AQP7B: variants seen among roughly 807,000 people sequenced by gnomAD.
AQP7B encodes aquaporin 7B.
chr2:94,603,296 C>T, the AQP7B span: 2 of 1,457,034 alleles, frequency 1.4e-6, no homozygotes, highest in East Asian at 4.6e-5. Flanking sequence ...TTGGAGCTCC[C>T]CCACCCTCTA....
chr2:94,591,111 C>T, the AQP7B span, among the ~76,000 whole-genome samples: 1 of 151,778 alleles, frequency 6.6e-6, no homozygotes, highest in Non-Finnish European at 1.5e-5. Context: ...TAGTCTGTAC[C>T]CTCTCCTTGA....
chr2:94,602,372 T>A, the AQP7B span: 1 of 1,070,474 alleles, frequency 9.3e-7, no homozygotes, highest in Non-Finnish European at 1.3e-6. Context: ...GCAGAGGGTC[T>A]TCCAGGCAAT....
the AQP7B span, among the ~76,000 whole-genome samples, chr2:94,590,664 C>G: frequency 1.3e-5 from 2 of 151,878 alleles, no homozygotes; most frequent in African/African-American, 4.8e-5. Context: ...AGTAAGCCAC[C>G]GGGCATGGTG....
chr2:94,589,149 C>T, the AQP7B span, among the ~76,000 whole-genome samples: 3 of 151,452 alleles, frequency 2.0e-5, no homozygotes, highest in African/African-American at 7.3e-5. Context: ...CACTACCATG[C>T]CCAGCTAATT....
At chr2:94,599,792 A>G in the AQP7B span, among the ~76,000 whole-genome samples, 6 of 151,728 alleles carry the variant, frequency 4.0e-5, no homozygotes, top group Non-Finnish European at 8.8e-5. Flanking sequence ...CAGCCCCTTC[A>G]CGGGATCATG....
chr2:94,604,059 A>T, the AQP7B span: 2 of 696,652 alleles, frequency 2.9e-6, no homozygotes, highest in Non-Finnish European at 2.4e-6. Context: ...GGGGAGCAGG[A>T]GTGAGTCCCA....
the AQP7B span, chr2:94,604,181 G>A: frequency 4.8e-5 from 58 of 1,196,318 alleles, no homozygotes; most frequent in African/African-American, 6.9e-4. Flanking sequence ...TGTTTCCTGG[G>A]GTAGCCTGGG....
the AQP7B span, among the ~76,000 whole-genome samples, chr2:94,598,959 C>A: frequency 6.6e-6 from 1 of 152,124 alleles, no homozygotes; most frequent in Non-Finnish European, 1.5e-5. Context: ...TGTGCCACCA[C>A]ACCTGGCTAA....
the AQP7B span, among the ~76,000 whole-genome samples, chr2:94,594,547 C>T: frequency 1.3e-5 from 2 of 152,200 alleles, no homozygotes; most frequent in Non-Finnish European, 2.9e-5. Context: ...GCCTGGCCAT[C>T]TACCCCAGTT....
the AQP7B span, among the ~76,000 whole-genome samples, chr2:94,590,941 T>A: frequency 1.1e-5 from 1 of 93,952 alleles, no homozygotes. Flanking sequence ...TGAGACCCTG[T>A]CTCAAAAAAA....
At chr2:94,594,392 T>C in the AQP7B span, among the ~76,000 whole-genome samples, 3 of 152,228 alleles carry the variant, frequency 2.0e-5, no homozygotes, top group African/African-American at 7.2e-5. Flanking sequence ...AGCTCTACTT[T>C]CCAGCCTGCT....
chr2:94,602,372 T>G, the AQP7B span: 3 of 1,070,356 alleles, frequency 2.8e-6, no homozygotes, highest in African/African-American at 4.8e-5. Flanking sequence ...GCAGAGGGTC[T>G]TCCAGGCAAT....
At chr2:94,603,712 G>A in the AQP7B span, 6 of 1,469,132 alleles carry the variant, frequency 4.1e-6, no homozygotes, top group Non-Finnish European at 5.5e-6. Flanking sequence ...TGCTCCTCAG[G>A]AGTGGCTGAC....
the AQP7B span, among the ~76,000 whole-genome samples, chr2:94,592,931 C>G: frequency 7.0e-6 from 1 of 143,454 alleles, no homozygotes; most frequent in South Asian, 2.3e-4. Context: ...TCAGGCAATC[C>G]TCTCACATCA....
At chr2:94,593,154 A>G in the AQP7B span, among the ~76,000 whole-genome samples, 2 of 152,098 alleles carry the variant, frequency 1.3e-5, no homozygotes, top group Admixed American at 6.6e-5. Context: ...TGTGATGAGC[A>G]TTGCCCCAGC....
the AQP7B span, among the ~76,000 whole-genome samples, chr2:94,598,131 G>C: frequency 6.6e-6 from 1 of 152,192 alleles, no homozygotes; most frequent in Non-Finnish European, 1.5e-5. Context: ...ACTTGTAAAA[G>C]AACTTTGTGA....
chr2:94,593,531 G>T, the AQP7B span, among the ~76,000 whole-genome samples: 1 of 148,318 alleles, frequency 6.7e-6, no homozygotes, highest in African/African-American at 2.5e-5. Flanking sequence ...TGTTGCCCAG[G>T]CTGGAGTGCA....
the AQP7B span, chr2:94,602,411 G>A: frequency 1.0e-4 from 146 of 1,397,404 alleles, no homozygotes; most frequent in Non-Finnish European, 1.3e-4. Flanking sequence ...ATGGGGGTGA[G>A]GAGCTAGAAC....
At chr2:94,602,891 C>A in the AQP7B span, 2 of 1,002,966 alleles carry the variant, frequency 2.0e-6, no homozygotes, top group South Asian at 1.7e-5. Context: ...GTGGCCCCTG[C>A]CTCACGGGGT....
Sources: gnomAD v4.1 joint callset for allele counts (sites outside exome capture counted in the v4.1 genomes callset) on GRCh38, gnomAD v4.1.1 for gene constraint, MANE v1.5 for transcripts, NCBI Gene and HGNC (gene_info 2026-07-23, HGNC 2026-07-21) for gene names.